AADAT: variants seen among roughly 807,000 people sequenced by gnomAD.
AADAT encodes the protein aminoadipate aminotransferase, also known as kynurenine/alpha-aminoadipate aminotransferase, mitochondrial.
A neutral mutation model predicts 56.2 loss-of-function variants in AADAT; 25 were observed. The observed-to-expected ratio is 0.44, with a 90% confidence interval of 0.32 to 0.62. The LOEUF (loss-of-function observed/expected upper bound fraction) is 0.62, where lower values mean the gene tolerates loss of function less well. Among genes scored for constraint, AADAT ranks in the 20% least tolerant of loss-of-function variants. The probability of loss-of-function intolerance (pLI) is 0.04; values close to 1 mark genes in which losing one functional copy is unlikely to be tolerated. For synonymous variants in AADAT, 173 were observed against 164.7 expected, an observed-to-expected ratio of 1.05 and a Z score of -0.39; for missense variants, 387 against 510.5, an observed-to-expected ratio of 0.76 and a Z score of 2.33.
intron 3 of AADAT, among the ~76,000 whole-genome samples, chr4:170,082,645 T>G (rs2111200645): frequency 6.6e-6 from 1 of 151,834 alleles, no homozygotes. Context: ...AGTGGCTGAG[T>G]GGATAAAGAA....
chr4:170,067,804 T>C (rs1731547138), intron 8 of AADAT, among the ~76,000 whole-genome samples: 1 of 152,298 alleles, frequency 6.6e-6, no homozygotes, highest in African/African-American at 2.4e-5. Context: ...ACAGTAGATG[T>C]GTAAAGTTAC....
chr4:170,066,451 C>T lies in AADAT; in HGVS notation c.990G>A (p.Lys330=), dbSNP rs1287774894. The T allele has an allele frequency of 6.2e-7, 1 of 1,613,800 alleles. No homozygotes were observed. The highest frequency in any genetic ancestry group is 1.1e-5 in the South Asian group (1 of 91,076). ...DRVIDFYSNQ[K]DAILAAADKW... ...TGTCTGCAGCTGCCAGTATTGCATC[C>T]TTCTGGTTACTATAGAAATCAATAA... The change falls in exon 10 of 13, where the codon AAG becomes AAA. Residue 330 remains lysine (K), a synonymous_variant. Transcript: ENST00000337664.
chr4:170,092,601 G>A (rs77314892), upstream of AADAT, among the ~76,000 whole-genome samples: 10,355 of 152,288 alleles, frequency 0.068, 495 homozygotes, highest in Non-Finnish European at 0.1. Context: ...AAACCTGTTA[G>A]AAACCCACGA....
intron 3 of AADAT, among the ~76,000 whole-genome samples, chr4:170,084,001 A>C (rs1002436064): frequency 3.3e-5 from 5 of 152,214 alleles, no homozygotes; most frequent in Admixed American, 2.0e-4. Context: ...CCATCAGCTG[A>C]TGAATGGATA....
upstream of AADAT, among the ~76,000 whole-genome samples, chr4:170,092,380 A>G (rs903309451): frequency 6.6e-6 from 1 of 152,156 alleles, no homozygotes; most frequent in African/African-American, 2.4e-5. Flanking sequence ...GAGCTGTAAC[A>G]CTCACCGCCA....
intron 3 of AADAT, among the ~76,000 whole-genome samples, chr4:170,085,962 A>T (rs1412690574): frequency 6.6e-6 from 1 of 152,204 alleles, no homozygotes; most frequent in Non-Finnish European, 1.5e-5. Flanking sequence ...TCTGAGAATG[A>T]ATATAGAGAA....
At chr4:170,077,190 A>T (rs1001364850) in intron 4 of AADAT, among the ~76,000 whole-genome samples, 8 of 152,164 alleles carry the variant, frequency 5.3e-5, no homozygotes, top group Admixed American at 2.6e-4. Flanking sequence ...CTTTAAACTC[A>T]CATCAATTTG....
At chr4:170,067,448 T>C in intron 8 of AADAT, 60 bp from the exon 9 acceptor site, 2 of 1,409,526 alleles carry the variant, frequency 1.4e-6, no homozygotes, top group South Asian at 2.4e-5. Context: ...CTTTTTGCCA[T>C]ATATAAAAGC....
At chr4:170,092,187 G>C (rs1338429553), upstream of AADAT, among the ~76,000 whole-genome samples, 4 of 152,254 alleles carry the variant, frequency 2.6e-5, no homozygotes, top group Non-Finnish European at 5.9e-5. Context: ...GGATACTTTT[G>C]CAGCGTGTGG....
At chr4:170,084,210 T>C (rs1159998112) in intron 3 of AADAT, among the ~76,000 whole-genome samples, 3 of 152,102 alleles carry the variant, frequency 2.0e-5, no homozygotes, top group Non-Finnish European at 2.9e-5. Context: ...AGAGAGTAGA[T>C]TGGTGGTTAC....
At position 170,076,714 on chromosome 4, in the gene AADAT, T is replaced by A. The variant is rs185658811; in HGVS notation, c.444+1795A>T. ...ATGTCCTTTGATACACAACCACTTT[T>A]AAATCTTCAAGTTCAATTTATCTAT... On this transcript the variant is annotated intron_variant, in intron 4 of 12. Transcript: ENST00000337664. Among the ~76,000 whole-genome samples, 15 of 152,330 alleles carry A rather than the reference T, an allele frequency of 9.8e-5. No individual in the cohort carries two copies. In the East Asian group the frequency reaches 2.9e-3, roughly 29 times the overall value.
intron 3 of AADAT, among the ~76,000 whole-genome samples, chr4:170,082,377 A>AT (rs34599867): frequency 1.7e-3 from 262 of 150,464 alleles, no homozygotes; most frequent in African/African-American, 4.9e-3. Context: ...TTGTTATAAG[A>AT]TTTTTTTTTT....
chr4:170,068,195 A>G (rs1731575087), intron 8 of AADAT, among the ~76,000 whole-genome samples: 2 of 151,816 alleles, frequency 1.3e-5, no homozygotes, highest in South Asian at 4.1e-4. Flanking sequence ...ACGTCTGTTG[A>G]TAACAGATAC....
intron 7 of AADAT, 34 bp from the exon 8 acceptor site, chr4:170,068,721 C>A: frequency 7.2e-7 from 1 of 1,379,328 alleles, no homozygotes; most frequent in Non-Finnish European, 1.0e-6. Flanking sequence ...GATACCAATT[C>A]CATATTAACA....
chr4:170,076,255 A>T (rs1732027806), intron 4 of AADAT, among the ~76,000 whole-genome samples: 1 of 151,884 alleles, frequency 6.6e-6, no homozygotes, highest in South Asian at 2.1e-4. Flanking sequence ...ATTTTTTTTT[A>T]AATAATAGCC....
rs779862124 is a variant in AADAT, at chr4:170,066,468, A to T, written c.973T>A (p.Phe325Ile). The T allele has an allele frequency of 3.1e-6, 5 of 1,613,490 alleles. No homozygotes were observed. Residue 325 changes from phenylalanine to isoleucine, a missense_variant, in exon 10 of 13, where the codon TTC becomes ATC. Transcript: ENST00000337664. ...FMAHVDRVID[F>I]YSNQKDAILA... is the part of the protein sequence containing the mutation. ...ATTGCATCCTTCTGGTTACTATAGA[A>T]ATCAATAACCCTAGAAAAAGAAAAC...
upstream of AADAT, chr4:170,091,541 G>C (rs951215592): frequency 1.9e-5 from 3 of 153,908 alleles, no homozygotes; most frequent in African/African-American, 7.2e-5. Flanking sequence ...TGCGCTGCCC[G>C]AGCCTCCCTG....
rs1324702613 is a variant in AADAT, at chr4:170,078,515, A to T, written c.438T>A (p.Leu146=). 1.9e-6 allele frequency: 3 copies of T among 1,601,936 alleles called. No individual in the cohort carries two copies. The highest frequency in any genetic ancestry group is 1.7e-5 in the Admixed American group (1 of 59,168). ...LLDEPAYSGT[L]QSLHPLGCNI... ...AGTAAAAATGTATACTCACACTTTG[A>T]AGAGTTCCTGAATAAGCAGGTTCAT... The change falls in exon 4 of 13, where the codon CTT becomes CTA. Residue 146 remains leucine, a synonymous_variant. Coordinates refer to ENST00000337664, the MANE Select transcript of AADAT (RefSeq NM_016228.4).
In AADAT at chr4:170,088,834, G is replaced by A. The variant is rs1561026469; in HGVS notation, c.68-270C>T. ...TGGTGCACTTATAAAAGAGGGCTGA[G>A]GGAATGCCCTTGGCCCTTCTGCCAC... On this transcript the variant is annotated intron_variant, in intron 1 of 12. Transcript: ENST00000337664. 2.6e-5 allele frequency among the ~76,000 whole-genome samples: 4 copies of A among 152,234 alleles called. No homozygotes were observed. In the East Asian group the frequency reaches 7.7e-4, roughly 29 times the overall value.
Sources: allele counts gnomAD v4.1 joint callset (sites outside exome capture counted in the v4.1 genomes callset), GRCh38; gene constraint gnomAD v4.1.1; transcripts MANE v1.5; gene names NCBI Gene and HGNC (gene_info 2026-07-23, HGNC 2026-07-21).